BABAM2: variants seen among roughly 807,000 people sequenced by gnomAD.
The protein encoded by BABAM2 is BRISC and BRCA1 A complex member 2, also known as BRISC and BRCA1-A complex member 2.
Under a neutral mutation model 54.7 loss-of-function variants are expected in BABAM2, and 31 were observed. The observed-to-expected ratio is 0.57, with a 90% CI of 0.43 to 0.77. The LOEUF is 0.77. Among genes scored for constraint, BABAM2 ranks in the 30% least tolerant of loss-of-function variants. The pLI is 0.00. For synonymous variants in BABAM2, 167 were observed against 162.9 expected (o/e 1.03, Z -0.19); for missense variants, 364 against 455.8 (o/e 0.80, Z 1.83).
chr2:28,070,944 G>C (rs978372934), intron 6 of BABAM2, among the ~76,000 whole-genome samples: 1 of 152,120 alleles, frequency 6.6e-6, no homozygotes, highest in African/African-American at 2.4e-5. Flanking sequence ...CTCTTAGTGA[G>C]ATCATAGCAC....
intron 7 of BABAM2, among the ~76,000 whole-genome samples, chr2:28,170,068 G>A (rs893967700): frequency 2.6e-5 from 4 of 151,664 alleles, no homozygotes; most frequent in Admixed American, 2.0e-4. Context: ...TTTTGTTTTA[G>A]TTAACATTTG....
chr2:28,333,558 T>TA (rs1199464672), intron 11 of BABAM2, among the ~76,000 whole-genome samples: 1 of 152,232 alleles, frequency 6.6e-6, no homozygotes, highest in Non-Finnish European at 1.5e-5. Flanking sequence ...ACCCAGTCCT[T>TA]ACGTTTTCTT....
intron 3 of BABAM2, among the ~76,000 whole-genome samples, chr2:27,945,372 G>A (rs1201542134): frequency 1.3e-5 from 2 of 151,988 alleles, no homozygotes; most frequent in African/African-American, 2.4e-5. Context: ...AACAATTTAA[G>A]TGTGGGTCTA....
chr2:28,026,886 A>ATATATATATT (rs1558667477), intron 5 of BABAM2, among the ~76,000 whole-genome samples: 8 of 52,572 alleles, frequency 1.5e-4, no homozygotes, highest in Non-Finnish European at 2.6e-4. Context: ...ATATATATAT[A>ATATATATATT]GATATATATA....
At chr2:28,190,000 A>C (rs756266452) in intron 7 of BABAM2, among the ~76,000 whole-genome samples, 1 of 152,228 alleles carries the variant, frequency 6.6e-6, no homozygotes, top group Non-Finnish European at 1.5e-5. Context: ...ACATCTATAG[A>C]CATTCAGTTT....
intron 6 of BABAM2, among the ~76,000 whole-genome samples, chr2:28,112,762 A>C (rs932845544): frequency 4.6e-5 from 7 of 152,198 alleles, no homozygotes; most frequent in African/African-American, 1.7e-4. Context: ...TTCTAGTTCT[A>C]GATCCTTGAG....
At chr2:28,206,310 G>T (rs1267990980) in intron 7 of BABAM2, among the ~76,000 whole-genome samples, 2 of 152,112 alleles carry the variant, frequency 1.3e-5, no homozygotes, top group Non-Finnish European at 2.9e-5. Flanking sequence ...CTGAATGCCA[G>T]CCTGAGGAAT....
At chr2:27,985,417 C>T (rs1286571405) in intron 3 of BABAM2, among the ~76,000 whole-genome samples, 2 of 152,024 alleles carry the variant, frequency 1.3e-5, no homozygotes, top group Non-Finnish European at 2.9e-5. Context: ...TATGGCCATT[C>T]TTGCATGAGT....
In BABAM2 at chr2:28,129,396, A is replaced by G; in HGVS notation, c.680+16A>G. 6.3e-7 allele frequency: 1 copy of G among 1,591,580 alleles called. No individual in the cohort carries two copies. Among genetic ancestry groups the G allele is most frequent in the South Asian group, 1.1e-5 (1 of 90,548 alleles). ...GAATTGAGCAGTAAGTGTCATTAAC[A>G]TGAGGTAGCCTGGTGCTACTTCTTG... is the stretch of plus-strand genomic sequence containing the variant. On this transcript the variant is annotated intron_variant, in intron 7 of 11. Coordinates refer to ENST00000379624, the MANE Select transcript of BABAM2 (RefSeq NM_199191.3).
intron 10 of BABAM2, among the ~76,000 whole-genome samples, chr2:28,290,428 G>A (rs547471816): frequency 4.6e-5 from 7 of 152,212 alleles, no homozygotes; most frequent in African/African-American, 1.7e-4. Context: ...TCAGGGAATG[G>A]GAATTCCCAA....
chr2:28,050,578 A>T (rs115527090), intron 6 of BABAM2, among the ~76,000 whole-genome samples: 1 of 152,214 alleles, frequency 6.6e-6, no homozygotes, highest in Non-Finnish European at 1.5e-5. Context: ...CCATAAAATG[A>T]TACTGGGATT....
intron 10 of BABAM2, among the ~76,000 whole-genome samples, chr2:28,297,475 CTG>C (rs1193188623): frequency 3.8e-4 from 58 of 152,234 alleles, no homozygotes; most frequent in African/African-American, 1.3e-3. Context: ...TTGAAACAGT[CTG>C]TGTTTTTAAT....
intron 6 of BABAM2, among the ~76,000 whole-genome samples, chr2:28,096,772 CTT>C (rs1666667684): frequency 6.6e-6 from 1 of 150,998 alleles, no homozygotes; most frequent in Non-Finnish European, 1.5e-5. Flanking sequence ...TTCATTTTCT[CTT>C]TTATTTTTTA....
chr2:28,203,267 C>T (rs946603113), intron 7 of BABAM2, among the ~76,000 whole-genome samples: 36 of 152,164 alleles, frequency 2.4e-4, no homozygotes, highest in Non-Finnish European at 1.8e-4. Flanking sequence ...GAAACAGTTG[C>T]GATCTTCTCT....
chr2:27,960,613 C>T lies in BABAM2; in HGVS notation c.206-27380C>T, dbSNP rs1032908915. The stretch of plus-strand genomic sequence containing the variant: ...AAATATTTACAGTCATATAACATTT[C>T]GTATTTTCCAAAGTAGTTTTACTTA... On this transcript the variant is annotated intron_variant, in intron 3 of 11. Transcript: ENST00000379624. Among the ~76,000 whole-genome samples, 5 of 152,138 alleles carry T rather than the reference C, an allele frequency of 3.3e-5. No individual in the cohort carries two copies. The South Asian group carries it at 6.2e-4, about 19-fold the overall frequency.
At chr2:28,332,962 G>A (rs993160954) in intron 11 of BABAM2, among the ~76,000 whole-genome samples, 1 of 152,178 alleles carries the variant, frequency 6.6e-6, no homozygotes, top group Admixed American at 6.5e-5. Context: ...GGGAGGGCCT[G>A]ATCCAAGGAG....
At chr2:28,097,987 T>G (rs1435917050) in intron 6 of BABAM2, among the ~76,000 whole-genome samples, 2 of 152,250 alleles carry the variant, frequency 1.3e-5, no homozygotes, top group African/African-American at 2.4e-5. Flanking sequence ...TAATTCTTCT[T>G]TTGTAACATT....
intron 7 of BABAM2, among the ~76,000 whole-genome samples, chr2:28,227,600 G>A (rs1465260998): frequency 6.6e-6 from 1 of 152,022 alleles, no homozygotes; most frequent in African/African-American, 2.4e-5. Flanking sequence ...TCCCATACTA[G>A]GCCTTAAGAG....
intron 6 of BABAM2, among the ~76,000 whole-genome samples, chr2:28,052,520 T>C (rs560084525): frequency 2.0e-4 from 31 of 152,234 alleles, no homozygotes; most frequent in African/African-American, 7.2e-4. Flanking sequence ...ACTCCTGACC[T>C]CAAATGATCT....
Sources: allele counts gnomAD v4.1 joint callset (sites outside exome capture counted in the v4.1 genomes callset), GRCh38; gene constraint gnomAD v4.1.1; transcripts MANE v1.5; gene names NCBI Gene and HGNC (gene_info 2026-07-23, HGNC 2026-07-21).